The following SMYD3 variants were observed in gnomAD, a reference collection of about 807,000 sequenced individuals.
SMYD3 encodes the protein SET and MYND domain containing 3.
SMYD3 carries 36 observed loss-of-function variants against 57.7 expected under a neutral mutation model. The ratio of observed to expected loss-of-function variants is 0.62; its 90% CI spans 0.48 to 0.82. The LOEUF is 0.82. Among genes scored for constraint, SMYD3 ranks in the 40% least tolerant of loss-of-function variants. The pLI is 0.00. For synonymous variants in SMYD3, 211 were observed against 195.0 expected (o/e 1.08, Z -0.68); for missense variants, 515 against 538.8 (o/e 0.96, Z 0.44).
intron 5 of SMYD3, among the ~76,000 whole-genome samples, chr1:245,997,538 G>A (rs2058954829): frequency 1.3e-5 from 2 of 152,222 alleles, no homozygotes; most frequent in Non-Finnish European, 2.9e-5. Flanking sequence ...AATCAGCAGT[G>A]GCAGGGATTA....
intron 1 of SMYD3, among the ~76,000 whole-genome samples, chr1:246,460,062 T>C (rs1206293566): frequency 6.6e-6 from 1 of 152,210 alleles, no homozygotes; most frequent in Non-Finnish European, 1.5e-5. Flanking sequence ...GCTTGATTTC[T>C]GTGAGATACC....
At chr1:246,127,655 C>G (rs146224576) in intron 5 of SMYD3, among the ~76,000 whole-genome samples, 10,409 of 151,930 alleles carry the variant, frequency 0.069, 697 homozygotes, top group South Asian at 0.18. Context: ...CAGCACTTTG[C>G]GGGGCTGAGG....
chr1:245,920,870 C>T (rs547120209), intron 7 of SMYD3, among the ~76,000 whole-genome samples: 8 of 152,288 alleles, frequency 5.3e-5, no homozygotes, highest in Non-Finnish European at 7.4e-5. Context: ...CCATTCTGGA[C>T]GTCAGCTTTC....
At chr1:245,963,667 AAAAAAG>A (rs2058067778) in intron 5 of SMYD3, among the ~76,000 whole-genome samples, 1 of 152,168 alleles carries the variant, frequency 6.6e-6, no homozygotes, top group East Asian at 1.9e-4. Flanking sequence ...TAGGAAAAGG[AAAAAAG>A]AAAAAGAAAA....
intron 11 of SMYD3, among the ~76,000 whole-genome samples, chr1:245,753,800 C>A (rs1348659003): frequency 6.6e-6 from 1 of 152,224 alleles, no homozygotes; most frequent in Non-Finnish European, 1.5e-5. Context: ...TCTGTGTCTC[C>A]CTTCTCCTAC....
intron 5 of SMYD3, among the ~76,000 whole-genome samples, chr1:246,088,862 T>C (rs898260016): frequency 6.6e-6 from 1 of 152,240 alleles, no homozygotes; most frequent in Admixed American, 6.5e-5. Flanking sequence ...ATGAAATTTA[T>C]GTGTACATAC....
intron 5 of SMYD3, among the ~76,000 whole-genome samples, chr1:246,214,593 T>C (rs2063136485): frequency 6.6e-6 from 1 of 152,148 alleles, no homozygotes; most frequent in South Asian, 2.1e-4. Context: ...ACATAATAAG[T>C]ATGCCTCCAA....
Position 246,276,177 on chromosome 1 carries a change from C to T in SMYD3, c.531+51024G>A, listed in dbSNP as rs541395794. ...GGAGTCTGATGCCCATGTTTGAATA[C>T]TAACTCTGTTTTTTACTAACCGTAT... is the stretch of plus-strand genomic sequence containing the variant. On this transcript the variant is annotated intron_variant, in intron 5 of 11. Coordinates refer to ENST00000490107, the MANE Select transcript of SMYD3 (RefSeq NM_001167740.2). 1.1e-3 allele frequency among the ~76,000 whole-genome samples: 144 copies of T among 125,478 alleles called. 23 individuals carry two copies. Among genetic ancestry groups the T allele is most frequent in the Non-Finnish European group, 1.9e-3 (113 of 58,370 alleles). 82.3% of individuals were successfully genotyped at this position (125,478 alleles called of 152,430 possible).
At chr1:246,288,020 A>G (rs923321969) in intron 5 of SMYD3, among the ~76,000 whole-genome samples, 9 of 149,758 alleles carry the variant, frequency 6.0e-5, no homozygotes, top group African/African-American at 2.2e-4. Context: ...TGGGCTCAGG[A>G]ACTCAAGCAT....
chr1:246,074,777 T>C lies in SMYD3; in HGVS notation c.532-144840A>G, dbSNP rs183911034. On this transcript the variant is annotated intron_variant, in intron 5 of 11. Coordinates refer to ENST00000490107, the MANE Select transcript of SMYD3 (RefSeq NM_001167740.2). ...GCCTGAATCTCTGGGTGACCCCTAC[T>C]ATCCACATGCATTGAGGAGAGGCCC... is the stretch of plus-strand genomic sequence containing the variant. Among the ~76,000 whole-genome samples, 45 of 152,282 alleles carry C rather than the reference T, an allele frequency of 3.0e-4. No homozygotes were observed. In the East Asian group the frequency reaches 8.5e-3, roughly 29 times the overall value.
At chr1:245,797,512 A>T (rs1283003603) in intron 10 of SMYD3, among the ~76,000 whole-genome samples, 8 of 102,358 alleles carry the variant, frequency 7.8e-5, no homozygotes, top group Middle Eastern at 7.8e-3. Context: ...AACATCACAC[A>T]CTGGGGCCTG....
intron 5 of SMYD3, among the ~76,000 whole-genome samples, chr1:246,068,278 A>C (rs1339475260): frequency 7.2e-6 from 1 of 138,908 alleles, no homozygotes; most frequent in Non-Finnish European, 1.5e-5. Flanking sequence ...ATCAAACTAC[A>C]GGTCAGCAAA....
intron 1 of SMYD3, among the ~76,000 whole-genome samples, chr1:246,359,249 A>G (rs533205677): frequency 6.0e-4 from 92 of 152,302 alleles, no homozygotes; most frequent in African/African-American, 2.2e-3. Flanking sequence ...ACAACCCTCC[A>G]AAATTAAACC....
chr1:246,353,971 T>A (rs1179042781), intron 2 of SMYD3, among the ~76,000 whole-genome samples: 1 of 152,240 alleles, frequency 6.6e-6, no homozygotes, highest in South Asian at 2.1e-4. Context: ...AACTTTTGAT[T>A]TCTTTTCCAT....
chr1:245,780,225 G>A (rs1397154392), intron 10 of SMYD3, among the ~76,000 whole-genome samples: 2 of 152,110 alleles, frequency 1.3e-5, no homozygotes, highest in African/African-American at 2.4e-5. Flanking sequence ...ACATGTATAC[G>A]AATGTTTATA....
chr1:246,052,284 C>T (rs1474298352), intron 5 of SMYD3, among the ~76,000 whole-genome samples: 3 of 152,170 alleles, frequency 2.0e-5, no homozygotes, highest in Non-Finnish European at 4.4e-5. Context: ...ATGCAGGGAA[C>T]GATGATGGGG....
chr1:245,929,690 GT>G (rs1033462830), intron 6 of SMYD3, among the ~76,000 whole-genome samples, 179 bp downstream of exon 6: 3 of 152,174 alleles, frequency 2.0e-5, no homozygotes, highest in Non-Finnish European at 4.4e-5. Context: ...ATAATGTGGG[GT>G]TATAAAACTG....
At chr1:245,935,062 G>T (rs1374158443) in intron 5 of SMYD3, among the ~76,000 whole-genome samples, 2 of 152,174 alleles carry the variant, frequency 1.3e-5, no homozygotes, top group South Asian at 2.1e-4. Context: ...GACAAATGGG[G>T]TTGCATCAAA....
intron 1 of SMYD3, among the ~76,000 whole-genome samples, chr1:246,397,603 G>A (rs1184519843): frequency 6.6e-6 from 1 of 152,166 alleles, no homozygotes; most frequent in Non-Finnish European, 1.5e-5. Flanking sequence ...CTAGACAGAT[G>A]TAGTCACCTG....
Sources: allele counts gnomAD v4.1 joint callset (sites outside exome capture counted in the v4.1 genomes callset), GRCh38; gene constraint gnomAD v4.1.1; transcripts MANE v1.5; gene names NCBI Gene and HGNC (gene_info 2026-07-23, HGNC 2026-07-21).